Variants in TPH2 observed in about 807,000 individuals in gnomAD.
TPH2 encodes tryptophan 5-hydroxylase 2.
Under a neutral mutation model 59.1 loss-of-function variants are expected in TPH2, and 27 were observed. That is an observed-to-expected ratio of 0.46 (90% CI 0.34 to 0.63). TPH2 has a LOEUF of 0.63. Ranked by LOEUF, TPH2 falls within the 30% of genes least tolerant of loss-of-function variation. The probability of loss-of-function intolerance (pLI) is 0.01; values close to 1 mark genes in which losing one functional copy is unlikely to be tolerated. For synonymous variants in TPH2, 220 were observed against 210.5 expected, an observed-to-expected ratio of 1.05 and a Z score of -0.39; for missense variants, 523 against 588.3, an observed-to-expected ratio of 0.89 and a Z score of 1.15.
intron 5 of TPH2, among the ~76,000 whole-genome samples, chr12:71,952,132 CAT>C (rs1871365887): frequency 6.6e-6 from 1 of 152,070 alleles, no homozygotes. Flanking sequence ...TTAAAGAAAA[CAT>C]ATTTATATGG....
At chr12:72,020,000 C>A (rs1873365964) in intron 8 of TPH2, among the ~76,000 whole-genome samples, 1 of 152,182 alleles carries the variant, frequency 6.6e-6, no homozygotes, top group Admixed American at 6.5e-5. Flanking sequence ...ACTTAGAGAT[C>A]ATTAATTCAT....
intron 6 of TPH2, among the ~76,000 whole-genome samples, chr12:71,973,640 A>G (rs1843810): frequency 0.7 from 107,170 of 152,138 alleles, 39,789 homozygotes; most frequent in Non-Finnish European, 0.82. Context: ...CTCTGCCTAT[A>G]GAGTAATCAT....
intron 6 of TPH2, among the ~76,000 whole-genome samples, chr12:71,978,538 G>C (rs1872183539): frequency 1.3e-5 from 2 of 152,272 alleles, no homozygotes; most frequent in African/African-American, 4.8e-5. Flanking sequence ...TAGTGAAGGG[G>C]GTGCTTAGCT....
chr12:72,007,395 T>C (rs1177116054), intron 8 of TPH2, among the ~76,000 whole-genome samples: 2 of 152,200 alleles, frequency 1.3e-5, no homozygotes, highest in East Asian at 1.9e-4. Flanking sequence ...TGTTCATAAA[T>C]ACATGCAGCC....
At chr12:72,007,258 G>T (rs1299889259) in intron 8 of TPH2, among the ~76,000 whole-genome samples, 1 of 152,108 alleles carries the variant, frequency 6.6e-6, no homozygotes, top group Non-Finnish European at 1.5e-5. Context: ...CCTCCCCCGA[G>T]CATAGAGAAA....
chr12:72,020,136 C>T (rs1458804908), intron 8 of TPH2, among the ~76,000 whole-genome samples: 1 of 152,192 alleles, frequency 6.6e-6, no homozygotes, highest in African/African-American at 2.4e-5. Flanking sequence ...TGTCTGAAGA[C>T]ATTTTTGGTT....
chr12:71,966,964 A>G (rs1310581478), intron 5 of TPH2, among the ~76,000 whole-genome samples: 4 of 152,258 alleles, frequency 2.6e-5, no homozygotes, highest in Admixed American at 2.6e-4. Flanking sequence ...CTAATTAAAA[A>G]AAATGTGTAA....
chr12:71,997,409 A>T (rs1419324553), intron 8 of TPH2, among the ~76,000 whole-genome samples: 1 of 152,180 alleles, frequency 6.6e-6, no homozygotes, highest in African/African-American at 2.4e-5. Context: ...TGGGATCATT[A>T]TTCTTTGTTT....
intron 5 of TPH2, among the ~76,000 whole-genome samples, chr12:71,953,077 G>T (rs1247442878): frequency 6.6e-6 from 1 of 151,976 alleles, no homozygotes; most frequent in Admixed American, 6.6e-5. Context: ...TGCATATACA[G>T]AAGTATTTTG....
chr12:72,025,134 C>G (rs1873531798), intron 9 of TPH2, among the ~76,000 whole-genome samples: 1 of 152,020 alleles, frequency 6.6e-6, no homozygotes, highest in Non-Finnish European at 1.5e-5. Context: ...AGTCCTGGAC[C>G]CATGTAGGGA....
intron 5 of TPH2, among the ~76,000 whole-genome samples, chr12:71,958,418 T>G (rs1871575803): frequency 6.6e-6 from 1 of 152,234 alleles, no homozygotes; most frequent in Non-Finnish European, 1.5e-5. Context: ...GTGACAGAAC[T>G]AAGTGACTTG....
intron 8 of TPH2, among the ~76,000 whole-genome samples, chr12:72,015,162 C>T (rs1050804872): frequency 2.0e-5 from 3 of 152,016 alleles, no homozygotes; most frequent in African/African-American, 7.2e-5. Flanking sequence ...GGGAGCAGAC[C>T]TTGAGGGGCC....
intron 9 of TPH2, among the ~76,000 whole-genome samples, chr12:72,028,693 T>G (rs1323318844): frequency 6.6e-6 from 1 of 152,160 alleles, no homozygotes; most frequent in East Asian, 1.9e-4. Context: ...CCCATATTCA[T>G]TAACAGCCAA....
intron 7 of TPH2, among the ~76,000 whole-genome samples, chr12:71,992,822 A>T (rs1026589228): frequency 1.1e-4 from 16 of 152,320 alleles, no homozygotes; most frequent in African/African-American, 3.4e-4. Context: ...AGCTCAGTAT[A>T]TTCTCTCTCT....
At chr12:72,010,657 G>T (rs114759364) in intron 8 of TPH2, among the ~76,000 whole-genome samples, 1 of 152,144 alleles carries the variant, frequency 6.6e-6, no homozygotes, top group South Asian at 2.1e-4. Context: ...GAAAGTGCAA[G>T]CTCCTTAGAC....
At chr12:71,979,974 ACAG>A (rs1872229882) in intron 7 of TPH2, among the ~76,000 whole-genome samples, 3 of 138,636 alleles carry the variant, frequency 2.2e-5, no homozygotes, top group Non-Finnish European at 4.8e-5. Context: ...AGACAGACAG[ACAG>A]GGAATATGGT....
chr12:71,942,322 A>T (rs754709424), intron 2 of TPH2, among the ~76,000 whole-genome samples: 39 of 152,190 alleles, frequency 2.6e-4, no homozygotes, highest in Non-Finnish European at 4.1e-4. Context: ...ACCCTCAAGA[A>T]AGATCCTGGT....
Position 72,031,298 on chromosome 12 carries a change from C to G in TPH2, c.1205C>G (p.Pro402Arg). The G allele has an allele frequency of 6.2e-7, 1 of 1,613,630 alleles. No homozygotes were observed. Among genetic ancestry groups the G allele is most frequent in the Non-Finnish European group, 8.5e-7 (1 of 1,179,632 alleles). The change falls in exon 10 of 11, where the codon CCA (proline) becomes CGA (arginine). Residue 402 changes from proline to arginine, a missense_variant. Coordinates refer to ENST00000333850, the MANE Select transcript of TPH2 (RefSeq NM_173353.4). The part of the protein sequence containing the change: ...SDKACVKAFD[P>R]KTTCLQECLI... ...AAGGCATGTGTGAAAGCCTTTGACC[C>G]AAAGACAACTTGCTTACAGGAATGC... is the stretch of plus-strand genomic sequence containing the variant.
chr12:71,954,655 T>C (rs1344009256), intron 5 of TPH2, among the ~76,000 whole-genome samples: 2 of 152,190 alleles, frequency 1.3e-5, no homozygotes, highest in Non-Finnish European at 2.9e-5. Flanking sequence ...TTTCTCTCTT[T>C]AGTGCCTTCA....
Sources: gnomAD v4.1 joint callset for allele counts (sites outside exome capture counted in the v4.1 genomes callset) on GRCh38, gnomAD v4.1.1 for gene constraint, MANE v1.5 for transcripts, NCBI Gene and HGNC (gene_info 2026-07-23, HGNC 2026-07-21) for gene names.